The following RGS3 variants were observed in gnomAD, a reference collection of about 807,000 sequenced individuals.
RGS3 encodes regulator of G protein signaling 3.
A neutral mutation model predicts 132.6 loss-of-function variants in RGS3; 80 were observed. The ratio of observed to expected loss-of-function variants is 0.60; its 90% confidence interval spans 0.50 to 0.73. RGS3 has a LOEUF of 0.73. Among genes scored for constraint, RGS3 ranks in the 30% least tolerant of loss-of-function variants. The pLI, the probability that RGS3 is intolerant of heterozygous loss-of-function variation, is 0.00. For synonymous variants in RGS3, 598 were observed against 620.6 expected, an observed-to-expected ratio of 0.96 and a Z score of 0.54; for missense variants, 1,382 against 1,530.8, an observed-to-expected ratio of 0.90 and a Z score of 1.62.
intron 1 of RGS3, among the ~76,000 whole-genome samples, chr9:113,446,578 TAC>T (rs750275448): frequency 7.9e-5 from 12 of 152,228 alleles, no homozygotes; most frequent in Non-Finnish European, 1.5e-4. Flanking sequence ...TTCCATCATT[TAC>T]ATATATAAAT....
At chr9:113,596,463 G>T (rs1424066147) in intron 24 of RGS3, among the ~76,000 whole-genome samples, 1 of 152,194 alleles carries the variant, frequency 6.6e-6, no homozygotes, top group Non-Finnish European at 1.5e-5. Context: ...GACAACTGAA[G>T]CTCACCGCAC....
chr9:113,480,571 G>A (rs529201991), intron 4 of RGS3, among the ~76,000 whole-genome samples: 1 of 152,208 alleles, frequency 6.6e-6, no homozygotes, highest in East Asian at 1.9e-4. Context: ...TGTCTAGATG[G>A]TGTTGATGGG....
At chr9:113,546,655 C>T (rs993562259) in intron 19 of RGS3, among the ~76,000 whole-genome samples, 4 of 152,154 alleles carry the variant, frequency 2.6e-5, no homozygotes, top group African/African-American at 4.8e-5. Flanking sequence ...TGTTGCACCT[C>T]AGCTTTGTGG....
At chr9:113,584,341 C>A (rs755324446) in exon 20 of RGS3, 6 of 1,591,138 alleles carry the variant, frequency 3.8e-6, no homozygotes, top group Non-Finnish European at 5.1e-6. Context: ...CTGGGGCATG[C>A]CTTCGCCCAG....
intron 18 of RGS3, 38 bp downstream of exon 16, chr9:113,529,302 C>T (rs751615889): frequency 2.4e-5 from 37 of 1,525,118 alleles, no homozygotes; most frequent in African/African-American, 4.1e-5. Context: ...GAGAGATCTT[C>T]GACCTGGTGC....
chr9:113,495,663 T>C, intron 7 of RGS3, 123 bp from the exon 6 acceptor site: 1 of 784,342 alleles, frequency 1.3e-6, no homozygotes, highest in Non-Finnish European at 2.3e-6. Context: ...TCAAACGAGA[T>C]GATGTGGGTA....
intron 19 of RGS3, among the ~76,000 whole-genome samples, chr9:113,567,506 C>T (rs1378091550): frequency 1.3e-5 from 2 of 152,242 alleles, no homozygotes; most frequent in African/African-American, 4.8e-5. Context: ...CCGCCCATCT[C>T]CTAGCTCTGT....
intron 19 of RGS3, chr9:113,541,523 G>C: frequency 6.5e-7 from 1 of 1,544,770 alleles, no homozygotes; most frequent in Non-Finnish European, 8.7e-7. Context: ...ACCTGAAACA[G>C]AGGACCAAGA....
intron 5 of RGS3, 43 bp from the exon 4 acceptor site, chr9:113,484,095 G>C (rs1830247490): frequency 1.7e-6 from 2 of 1,209,354 alleles, no homozygotes; most frequent in Admixed American, 3.4e-5. Context: ...GCTTAGGTGG[G>C]CCATGAGATC....
intron 3 of RGS3, among the ~76,000 whole-genome samples, chr9:113,478,586 A>T (rs1830065891): frequency 6.6e-6 from 1 of 152,090 alleles, no homozygotes; most frequent in Non-Finnish European, 1.5e-5. Flanking sequence ...AGGTGGGAGG[A>T]TCACTTGAGC....
intron 1 of RGS3, among the ~76,000 whole-genome samples, chr9:113,461,345 C>T (rs1829466611): frequency 6.6e-6 from 1 of 152,156 alleles, no homozygotes; most frequent in South Asian, 2.1e-4. Flanking sequence ...GATCATGAGC[C>T]TTTCTGGATG....
At chr9:113,472,643 A>C (rs1829869780) in intron 3 of RGS3, among the ~76,000 whole-genome samples, 2 of 152,240 alleles carry the variant, frequency 1.3e-5, no homozygotes, top group East Asian at 1.9e-4. Flanking sequence ...TGTGACTGCG[A>C]AAGAGTATGG....
chr9:113,541,186 T>C, intron 19 of RGS3: 1 of 860,770 alleles, frequency 1.2e-6, no homozygotes, highest in Non-Finnish European at 1.8e-6. Context: ...TCATCTCCAC[T>C]GGGGCCACTA....
chr9:113,445,287 T>C (rs1327362049), intron 1 of RGS3, among the ~76,000 whole-genome samples: 4 of 151,798 alleles, frequency 2.6e-5, no homozygotes, highest in Non-Finnish European at 4.4e-5. Context: ...AACCTCCGCC[T>C]CCCGGGTTCA....
intron 8 of RGS3, among the ~76,000 whole-genome samples, chr9:113,496,542 T>C (rs1247701153): frequency 1.3e-5 from 2 of 151,614 alleles, no homozygotes; most frequent in African/African-American, 4.9e-5. Flanking sequence ...AGAGCTTCTC[T>C]CTCTCTCTCT....
At chr9:113,469,178 G>A (rs917643578) in intron 3 of RGS3, among the ~76,000 whole-genome samples, 6 of 151,586 alleles carry the variant, frequency 4.0e-5, no homozygotes, top group African/African-American at 1.2e-4. Flanking sequence ...TGAGAGTGAA[G>A]CTTGGGAACA....
At chr9:113,465,783 G>C (rs118167986) in intron 3 of RGS3, among the ~76,000 whole-genome samples, 3,720 of 152,212 alleles carry the variant, frequency 0.024, 65 homozygotes, top group Admixed American at 0.037. Flanking sequence ...AGGAGCCTGG[G>C]TGGGGTGGGA....
intron 16 of RGS3, among the ~76,000 whole-genome samples, chr9:113,518,464 G>C (rs1371078088): frequency 6.6e-6 from 1 of 152,216 alleles, no homozygotes; most frequent in East Asian, 1.9e-4. Context: ...TGAGCAGTAG[G>C]TATGTGTGTA....
At chr9:113,514,610 G>C (rs753970892) in exon 15 of RGS3, 1 of 1,613,976 alleles carries the variant, frequency 6.2e-7, no homozygotes, top group Non-Finnish European at 8.5e-7. Context: ...TGGCACCTAC[G>C]TCACCCTGGC....
Sources: gnomAD v4.1 joint callset for allele counts (sites outside exome capture counted in the v4.1 genomes callset) on GRCh38, gnomAD v4.1.1 for gene constraint, MANE v1.5 for transcripts, NCBI Gene and HGNC (gene_info 2026-07-23, HGNC 2026-07-21) for gene names.